CSMD1: variants seen among roughly 807,000 people sequenced by gnomAD.
CSMD1 encodes CUB and sushi domain-containing protein 1.
Under a neutral mutation model 417.5 loss-of-function variants are expected in CSMD1, and 213 were observed. The ratio of observed to expected loss-of-function variants is 0.51; its 90% CI spans 0.46 to 0.57. The LOEUF (loss-of-function observed/expected upper bound fraction) is 0.57. Among genes scored for constraint, CSMD1 ranks in the 20% least tolerant of loss-of-function variants. CSMD1 has a pLI of 0.00. For missense variants in CSMD1, 6,923 were observed against 4,529.7 expected (o/e 1.53, Z -15.17); for synonymous variants, 2,862 against 1,736.8 (o/e 1.65, Z -16.11).
intron 1 of CSMD1, among the ~76,000 whole-genome samples, chr8:4,671,684 T>C (rs948584412): frequency 6.6e-6 from 1 of 152,146 alleles, no homozygotes; most frequent in African/African-American, 2.4e-5. Flanking sequence ...GTTTATAGAT[T>C]TATTTTTTCT....
At chr8:3,892,035 A>G (rs1227438508) in intron 5 of CSMD1, among the ~76,000 whole-genome samples, 2 of 152,178 alleles carry the variant, frequency 1.3e-5, no homozygotes, top group Non-Finnish European at 2.9e-5. Context: ...CAAAAAAAAA[A>G]AAAATTAAGG....
At chr8:3,982,776 G>A (rs943371964) in intron 5 of CSMD1, among the ~76,000 whole-genome samples, 2 of 152,164 alleles carry the variant, frequency 1.3e-5, no homozygotes, top group African/African-American at 4.8e-5. Flanking sequence ...AATGGACAGG[G>A]CCAGAACGAG....
Position 3,653,179 on chromosome 8 carries a change from T to C in CSMD1, c.1010-36382A>G, listed in dbSNP as rs573939115. On this transcript the variant is annotated intron_variant, in intron 7 of 69. Coordinates refer to ENST00000635120, the MANE Select transcript of CSMD1 (RefSeq NM_033225.6). The stretch of plus-strand genomic sequence containing the variant: ...TTGCATATATTTTTAAATATATAAA[T>C]ATACAAATATATTTAAAATTGTAAT... Among the ~76,000 whole-genome samples the C allele has an allele frequency of 7.8e-4, 119 of 151,796 alleles. 1 individual carries two copies. The highest frequency in any genetic ancestry group is 5.6e-4 in the Non-Finnish European group (38 of 67,954).
intron 12 of CSMD1, among the ~76,000 whole-genome samples, chr8:3,434,353 T>C (rs1441064263): frequency 6.6e-6 from 1 of 152,146 alleles, no homozygotes; most frequent in Non-Finnish European, 1.5e-5. Flanking sequence ...AAATTAAAGA[T>C]CAAGGTGATT....
At chr8:4,951,236 G>A (rs1005640242) in intron 1 of CSMD1, among the ~76,000 whole-genome samples, 3 of 152,058 alleles carry the variant, frequency 2.0e-5, no homozygotes, top group Admixed American at 1.3e-4. Context: ...CAAAGAAACT[G>A]TCTCTTTCCT....
chr8:3,154,923 A>G (rs1232208148), intron 39 of CSMD1, among the ~76,000 whole-genome samples: 2 of 152,120 alleles, frequency 1.3e-5, no homozygotes, highest in Non-Finnish European at 2.9e-5. Context: ...TAAAGCTAAC[A>G]GCTACAAAAA....
At chr8:3,850,145 A>G (rs537580334) in intron 5 of CSMD1, among the ~76,000 whole-genome samples, 2 of 152,356 alleles carry the variant, frequency 1.3e-5, no homozygotes, top group Admixed American at 1.3e-4. Flanking sequence ...TTCTTAGGGC[A>G]TATCCCTTAT....
intron 5 of CSMD1, among the ~76,000 whole-genome samples, chr8:3,779,823 A>G (rs1276934514): frequency 6.6e-6 from 1 of 152,244 alleles, no homozygotes; most frequent in East Asian, 1.9e-4. Context: ...GACATATTTA[A>G]TAGGGACAGG....
intron 12 of CSMD1, among the ~76,000 whole-genome samples, chr8:3,442,180 C>G (rs6558772): frequency 0.59 from 89,497 of 151,358 alleles, 26,573 homozygotes; most frequent in African/African-American, 0.66. Flanking sequence ...TATAGCAAAA[C>G]AATAAAAAAT....
intron 26 of CSMD1, among the ~76,000 whole-genome samples, chr8:3,277,705 A>G (rs1453324881): frequency 6.6e-6 from 1 of 152,212 alleles, no homozygotes; most frequent in Non-Finnish European, 1.5e-5. Context: ...GCATCTCTGC[A>G]GCAAAGCAGA....
At chr8:3,035,893 A>G (rs1233093208) in intron 50 of CSMD1, among the ~76,000 whole-genome samples, 2 of 152,228 alleles carry the variant, frequency 1.3e-5, no homozygotes, top group African/African-American at 4.8e-5. Context: ...GAAAACAACT[A>G]TAAAGGAATA....
At chr8:3,994,935 C>T (rs1174667972) in intron 5 of CSMD1, among the ~76,000 whole-genome samples, 1 of 152,028 alleles carries the variant, frequency 6.6e-6, no homozygotes, top group Non-Finnish European at 1.5e-5. Context: ...GTGTATCTGC[C>T]CTCACTCCAC....
chr8:4,195,149 G>C (rs547651233), intron 3 of CSMD1, among the ~76,000 whole-genome samples: 3 of 152,150 alleles, frequency 2.0e-5, no homozygotes, highest in Non-Finnish European at 4.4e-5. Context: ...TTTGATGACA[G>C]TTCTATCCAG....
At chr8:4,313,329 G>C (rs1031742216) in intron 3 of CSMD1, among the ~76,000 whole-genome samples, 1 of 150,782 alleles carries the variant, frequency 6.6e-6, no homozygotes, top group Non-Finnish European at 1.5e-5. Context: ...TAGAGAGGGA[G>C]GAATCCATCA....
chr8:4,313,168 C>G (rs1432787731), intron 3 of CSMD1, among the ~76,000 whole-genome samples: 1 of 152,154 alleles, frequency 6.6e-6, no homozygotes, highest in African/African-American at 2.4e-5. Flanking sequence ...AATTTCTAAT[C>G]TACTAAATGT....
intron 2 of CSMD1, among the ~76,000 whole-genome samples, chr8:4,471,710 A>T (rs1342969686): frequency 6.6e-6 from 1 of 150,856 alleles, no homozygotes; most frequent in South Asian, 2.1e-4. Context: ...ACCCATCTTC[A>T]AAGAAAAATG....
chr8:3,936,956 G>A (rs764474338), intron 5 of CSMD1, among the ~76,000 whole-genome samples: 43 of 152,138 alleles, frequency 2.8e-4, no homozygotes, highest in East Asian at 9.6e-4. Context: ...ATACCAGCAC[G>A]AACAGGAGTT....
At chr8:4,297,711 G>A (rs940987261) in intron 3 of CSMD1, among the ~76,000 whole-genome samples, 4 of 152,038 alleles carry the variant, frequency 2.6e-5, no homozygotes, top group Admixed American at 6.6e-5. Flanking sequence ...ATCGGTGATC[G>A]CCTCTGTGTT....
At chr8:4,026,168 T>C (rs1262551736) in intron 4 of CSMD1, among the ~76,000 whole-genome samples, 1 of 152,196 alleles carries the variant, frequency 6.6e-6, no homozygotes, top group Admixed American at 6.5e-5. Flanking sequence ...TTTACACATT[T>C]ACAAGAATTA....
Sources: gnomAD v4.1 joint callset for allele counts (sites outside exome capture counted in the v4.1 genomes callset) on GRCh38, gnomAD v4.1.1 for gene constraint, MANE v1.5 for transcripts, NCBI Gene and HGNC (gene_info 2026-07-23, HGNC 2026-07-21) for gene names.